The following KLHL29 variants were observed in gnomAD, a reference collection of about 807,000 sequenced individuals.
KLHL29 encodes kelch-like protein 29.
KLHL29 carries 21 observed loss-of-function variants against 80.4 expected under a neutral mutation model. The ratio of observed to expected loss-of-function variants is 0.26; its 90% CI spans 0.19 to 0.38. The LOEUF (loss-of-function observed/expected upper bound fraction) is 0.38. Among genes scored for constraint, KLHL29 ranks in the 10% least tolerant of loss-of-function variants. The pLI is 1.00. For synonymous variants in KLHL29, 511 were observed against 526.8 expected (o/e 0.97, Z 0.41); for missense variants, 867 against 1,223.9 (o/e 0.71, Z 4.35).
At chr2:23,703,670 G>A in intron 12 of KLHL29, 49 bp from the exon 13 acceptor site, 1 of 1,490,170 alleles carries the variant, frequency 6.7e-7, no homozygotes, top group Non-Finnish European at 8.9e-7. Context: ...AAAGGAGAGG[G>A]AAGTCCAAGA....
chr2:23,421,751 CATGTGTGTGTGTGT>C (rs1558332121), intron 1 of KLHL29, among the ~76,000 whole-genome samples: 1 of 127,344 alleles, frequency 7.9e-6, no homozygotes, highest in Non-Finnish European at 1.7e-5. Flanking sequence ...TGTGTGTGTT[CATGTGTGTGTGTGT>C]GTCTGTGTGC....
intron 5 of KLHL29, among the ~76,000 whole-genome samples, chr2:23,644,439 T>C (rs1231534759): frequency 1.3e-5 from 2 of 152,230 alleles, no homozygotes; most frequent in Non-Finnish European, 2.9e-5. Flanking sequence ...TGCAAGATCT[T>C]GCTGGCTTGC....
intron 5 of KLHL29, chr2:23,672,387 A>G (rs1321307687): frequency 6.6e-6 from 1 of 152,366 alleles, no homozygotes; most frequent in Non-Finnish European, 1.5e-5. Context: ...TTTCCTCTTC[A>G]TGGTCCAGGC....
chr2:23,445,397 T>A (rs1347483655), intron 1 of KLHL29, among the ~76,000 whole-genome samples: 1 of 152,216 alleles, frequency 6.6e-6, no homozygotes, highest in Non-Finnish European at 1.5e-5. Flanking sequence ...CCCTGCATTG[T>A]CCGCTTTTTA....
At chr2:23,548,914 T>C (rs551534499) in intron 2 of KLHL29, among the ~76,000 whole-genome samples, 2 of 152,334 alleles carry the variant, frequency 1.3e-5, no homozygotes, top group South Asian at 4.1e-4. Flanking sequence ...TGGATTCTAA[T>C]TCGTCTCTGT....
chr2:23,542,065 T>C (rs768283522), intron 2 of KLHL29, among the ~76,000 whole-genome samples: 10 of 152,224 alleles, frequency 6.6e-5, no homozygotes, highest in Non-Finnish European at 1.5e-4. Flanking sequence ...CCTTGGGAAA[T>C]GGCATTAAGA....
chr2:23,695,016 T>C lies in KLHL29; in HGVS notation c.1543-607T>C, dbSNP rs941121207. 3.9e-5 allele frequency among the ~76,000 whole-genome samples: 6 copies of C among 151,982 alleles called. No homozygotes were observed. Among genetic ancestry groups the C allele is most frequent in the African/African-American group, 1.5e-4 (6 of 41,360 alleles). ...CGTTACTCATGGGATGAAACGAAAG[T>C]AGAGTGATGAGCAGAGTTTGTTAGG... On this transcript the variant is annotated intron_variant, in intron 8 of 13. Transcript: ENST00000486442. The surrounding 1 kb of genome is among the most constrained non-coding windows in gnomAD (Gnocchi z 7.6).
chr2:23,623,930 A>G (rs952494578), intron 3 of KLHL29, among the ~76,000 whole-genome samples: 5 of 152,182 alleles, frequency 3.3e-5, no homozygotes, highest in African/African-American at 1.2e-4. Context: ...TCTGCAGCTG[A>G]CTTAAATGTG....
chr2:23,500,690 TA>T (rs1219578317), intron 2 of KLHL29, among the ~76,000 whole-genome samples: 2 of 152,200 alleles, frequency 1.3e-5, no homozygotes, highest in African/African-American at 2.4e-5. Context: ...TTTAGGTTTA[TA>T]AAAAAACTGG....
chr2:23,634,152 A>G (rs975387522), intron 3 of KLHL29, among the ~76,000 whole-genome samples: 5 of 152,064 alleles, frequency 3.3e-5, no homozygotes, highest in African/African-American at 1.2e-4. Flanking sequence ...CCTGACCCAG[A>G]GTGCGTGCTC....
chr2:23,472,678 A>G (rs1404396885), intron 1 of KLHL29, among the ~76,000 whole-genome samples: 14 of 152,094 alleles, frequency 9.2e-5, no homozygotes, highest in Admixed American at 9.2e-4. Context: ...TATGACCATT[A>G]TGTGTCCTGG....
chr2:23,648,766 G>T (rs1324182763), intron 5 of KLHL29, among the ~76,000 whole-genome samples: 2 of 152,236 alleles, frequency 1.3e-5, no homozygotes, highest in Non-Finnish European at 2.9e-5. Context: ...AGCCAAGGCT[G>T]CAGGCAGAGA....
rs34918880 is a variant in KLHL29, at chr2:23,387,504, T to TTTATTATTA, written c.-154+1759_-154+1767dup. On this transcript the variant is annotated intron_variant, in intron 1 of 13. Transcript: ENST00000486442. ...CAGACTTGTCCCACCTCATTCCTGATTTATTATTATTATTATTATTATTAT... is the reference window on the plus strand; with the variant it reads ...CAGACTTGTCCCACCTCATTCCTGATTTATTATTATTATTATTATTATTATTATTATTAT... Among the ~76,000 whole-genome samples, 263 of 117,676 alleles carry TTTATTATTA rather than the reference T, an allele frequency of 2.2e-3. 1 individual carries two copies. Among genetic ancestry groups the TTTATTATTA allele is most frequent in the East Asian group, 0.014 (60 of 4,300 alleles). The allele number at this position is 117,676 out of a possible 152,430, so 77.2% of individuals were successfully genotyped here.
intron 3 of KLHL29, among the ~76,000 whole-genome samples, chr2:23,569,626 A>G (rs1401339420): frequency 6.6e-6 from 1 of 151,514 alleles, no homozygotes; most frequent in East Asian, 1.9e-4. Context: ...TTTTTTTTAT[A>G]GGGAAAGTAT....
At chr2:23,481,478 C>T (rs1664796031) in intron 2 of KLHL29, among the ~76,000 whole-genome samples, 1 of 152,338 alleles carries the variant, frequency 6.6e-6, no homozygotes, top group African/African-American at 2.4e-5. Context: ...GGGCACAGCT[C>T]CCACCCCAGT....
chr2:23,386,913 C>T, intron 1 of KLHL29, among the ~76,000 whole-genome samples: 1 of 152,164 alleles, frequency 6.6e-6, no homozygotes, highest in Non-Finnish European at 1.5e-5. Context: ...ACGCGCGAGT[C>T]TCGGATGCCT....
intron 3 of KLHL29, chr2:23,617,431 A>T (rs573919974): frequency 6.6e-6 from 1 of 152,232 alleles, no homozygotes; most frequent in African/African-American, 2.4e-5. Flanking sequence ...GTGATGGGGA[A>T]AAAAGGAAGG....
chr2:23,423,389 C>G (rs1351866035), intron 1 of KLHL29, among the ~76,000 whole-genome samples: 1 of 152,206 alleles, frequency 6.6e-6, no homozygotes, highest in Non-Finnish European at 1.5e-5. Flanking sequence ...CCCTTCCGCC[C>G]TGCCCTGAGA....
intron 3 of KLHL29, among the ~76,000 whole-genome samples, chr2:23,577,215 C>T (rs1296793825): frequency 1.3e-5 from 2 of 152,224 alleles, no homozygotes; most frequent in Middle Eastern, 3.4e-3. Flanking sequence ...TTTGGGAGGC[C>T]GAGGTGGGCG....
Sources: gnomAD v4.1 joint callset for allele counts (sites outside exome capture counted in the v4.1 genomes callset) on GRCh38, gnomAD v4.1.1 for gene constraint, Gnocchi (gnomAD v3.1) non-coding constraint, MANE v1.5 for transcripts, NCBI Gene and HGNC (gene_info 2026-07-23, HGNC 2026-07-21) for gene names.